Variants in DST observed in about 807,000 individuals in gnomAD.
DST encodes dystonin.
DST carries 253 observed loss-of-function variants against 875.2 expected under a neutral mutation model. That is an observed-to-expected ratio of 0.29 (90% CI 0.26 to 0.32). The LOEUF (loss-of-function observed/expected upper bound fraction) is 0.32. Among genes scored for constraint, DST ranks in the 10% least tolerant of loss-of-function variants. DST has a pLI of 1.00. For synonymous variants in DST, 3,124 were observed against 3,197.1 expected, an observed-to-expected ratio of 0.98 and a Z score of 0.77; for missense variants, 8,287 against 9,111.6, an observed-to-expected ratio of 0.91 and a Z score of 3.68.
At position 56,629,450 on chromosome 6, in the gene DST, T is replaced by C; in HGVS notation, c.4282-7A>G. The C allele has an allele frequency of 1.2e-6, 2 of 1,606,120 alleles. No homozygotes were observed. The highest frequency in any genetic ancestry group is 1.1e-5 in the South Asian group (1 of 90,894). On this transcript the variant is annotated splice_polypyrimidine_tract_variant and splice_region_variant and intron_variant, in intron 31 of 103. Coordinates refer to ENST00000680361, the MANE Select transcript of DST (RefSeq NM_001374736.1). ...CTACTTCAGATCTCCATTGCTAAAA[T>C]ACATTAATTGGTAAAAGTTATAAAA...
At chr6:56,834,098 CA>C (rs1052690053) in intron 4 of DST, among the ~76,000 whole-genome samples, 2 of 152,106 alleles carry the variant, frequency 1.3e-5, no homozygotes, top group Non-Finnish European at 2.9e-5. Flanking sequence ...CATGGTGGCA[CA>C]TGCCTGTAGT....
In DST at chr6:56,553,629, C is replaced by T. The variant is rs2152556412; in HGVS notation, c.15163G>A (p.Ala5055Thr). ...TGAAATTGATGAGAGCTTGCACAGG[C>T]CGACTGAAGGTGCTGGACATGATTC... ...AENHVQHLQS[A>T]CASSHQFQQM... Residue 5055 changes from alanine to threonine, a missense_variant, in exon 61 of 104, where the codon GCC becomes ACC. By Grantham distance (58) the Ala-to-Thr change is moderately conservative (BLOSUM62 0). Around this residue, in one of 10 missense-constraint regions of DST, gnomAD observed 1,513 missense variants for 1,677.8 expected, o/e 0.90. Transcript: ENST00000680361. 2.5e-6 allele frequency: 4 copies of T among 1,613,250 alleles called. No homozygotes were observed. Among genetic ancestry groups the T allele is most frequent in the Non-Finnish European group, 2.5e-6 (3 of 1,179,770 alleles).
At chr6:56,810,914 A>T (rs1425701450) in intron 4 of DST, among the ~76,000 whole-genome samples, 1 of 151,734 alleles carries the variant, frequency 6.6e-6, no homozygotes, top group Non-Finnish European at 1.5e-5. Flanking sequence ...GGGTATGGTG[A>T]CTCTTGCTTG....
chr6:56,500,687 C>T (rs1399339671), intron 80 of DST, among the ~76,000 whole-genome samples: 2 of 152,052 alleles, frequency 1.3e-5, no homozygotes, highest in Admixed American at 1.3e-4. Flanking sequence ...ATACATAAAA[C>T]CTGCAGTAGG....
Position 56,553,190 on chromosome 6 carries a change from C to A in DST, c.15602G>T (p.Gly5201Val), listed in dbSNP as rs763915802. The A allele has an allele frequency of 6.2e-7, 1 of 1,613,996 alleles. No homozygotes were observed. Among genetic ancestry groups the A allele is most frequent in the Non-Finnish European group, 8.5e-7 (1 of 1,179,888 alleles). ...EIKFCLDPAEGENSIAKLKSL... is the reference protein window; with the variant it reads ...EIKFCLDPAEVENSIAKLKSL... The stretch of plus-strand genomic sequence containing the variant: ...CTTTAACTTGGCAATAGAATTCTCT[C>A]CTTCAGCAGGATCCAAGCAAAATTT... The change falls in exon 61 of 104, where the codon GGA becomes GTA. Residue 5201 changes from glycine (G) to valine (V), a missense_variant. This residue lies in a region of DST where 1,513 missense variants were observed against 1,677.8 expected (regional missense o/e 0.90). Coordinates refer to ENST00000680361, the MANE Select transcript of DST (RefSeq NM_001374736.1).
intron 59 of DST, 145 bp from the exon 60 acceptor site, chr6:56,555,985 G>T: frequency 1.2e-6 from 1 of 808,548 alleles, no homozygotes; most frequent in Non-Finnish European, 1.8e-6. Flanking sequence ...TACTTAAAGG[G>T]CAGTACAATT....
intron 87 of DST, among the ~76,000 whole-genome samples, chr6:56,486,806 C>A (rs1481565578): frequency 6.6e-6 from 1 of 152,066 alleles, no homozygotes; most frequent in Non-Finnish European, 1.5e-5. Flanking sequence ...GAAATTAAGT[C>A]AAAGAAGTGA....
intron 5 of DST, among the ~76,000 whole-genome samples, chr6:56,725,074 C>T (rs745783333): frequency 1.3e-5 from 2 of 152,098 alleles, no homozygotes; most frequent in Non-Finnish European, 2.9e-5. Flanking sequence ...ATCTGTTTTA[C>T]AAATGAGAAA....
intron 36 of DST, chr6:56,616,132 G>T: frequency 6.2e-7 from 1 of 1,614,194 alleles, no homozygotes; most frequent in Non-Finnish European, 8.5e-7. Flanking sequence ...CAACAGGACT[G>T]TGCAAATCTT....
At position 56,607,530 on chromosome 6, in the gene DST, A is replaced by G; in HGVS notation, c.7098T>C (p.Leu2366=). The G allele has an allele frequency of 6.2e-7, 1 of 1,604,348 alleles. No homozygotes were observed. Among genetic ancestry groups the G allele is most frequent in the Non-Finnish European group, 8.5e-7 (1 of 1,174,468 alleles). ...CTCGGCTTTGATTTTCATAGTTTGT[A>G]AGTATGTTTTCAGAGTCACTTCTAA... ...SMLRSDSENI[L]TNYENQSRVE... is the part of the protein sequence containing the mutation. Residue 2366 remains leucine, a synonymous_variant, in exon 40 of 104, where the codon CTT becomes CTC. Transcript: ENST00000680361.
intron 2 of DST, among the ~76,000 whole-genome samples, chr6:56,949,446 C>T (rs141642265): frequency 3.2e-4 from 49 of 152,236 alleles, no homozygotes; most frequent in Admixed American, 2.7e-3. Context: ...TAGTTGGAAA[C>T]GGCACAGCAG....
chr6:56,942,706 CTTTTTTT>C (rs67354752), intron 2 of DST, among the ~76,000 whole-genome samples: 1 of 66,006 alleles, frequency 1.5e-5, no homozygotes, highest in East Asian at 3.9e-4. Flanking sequence ...TGCCATTTCT[CTTTTTTT>C]TTTTTTTTTT....
chr6:56,717,583 C>T (rs1016471034), intron 5 of DST, among the ~76,000 whole-genome samples: 2 of 152,228 alleles, frequency 1.3e-5, no homozygotes, highest in African/African-American at 4.8e-5. Flanking sequence ...TCCCCAATTA[C>T]TCCTGCAGAT....
rs561542691 is a variant in DST, at chr6:56,590,239, T to G, written c.12903+1943A>C. Reference sequence around the variant, plus strand: ...CTTCTGCAGCAATTACTAAATAGGTTTTTCCGTTTTAAAATTTATCCACAT... The same window carrying G: ...CTTCTGCAGCAATTACTAAATAGGTGTTTCCGTTTTAAAATTTATCCACAT... On this transcript the variant is annotated intron_variant, in intron 49 of 103. Coordinates refer to ENST00000680361, the MANE Select transcript of DST (RefSeq NM_001374736.1). 2.6e-5 allele frequency among the ~76,000 whole-genome samples: 4 copies of G among 152,286 alleles called. No homozygotes were observed. In the South Asian group the frequency reaches 8.3e-4, roughly 32 times the overall value.
At chr6:56,583,165 T>C (rs1346213689) in intron 49 of DST, among the ~76,000 whole-genome samples, 24 of 152,254 alleles carry the variant, frequency 1.6e-4, no homozygotes, top group African/African-American at 4.1e-4. Flanking sequence ...CCTGAGGAAT[T>C]GCCACACTGA....
At position 56,553,290 on chromosome 6, in the gene DST, C is replaced by T; in HGVS notation, c.15502G>A (p.Ala5168Thr). The T allele has an allele frequency of 6.2e-7, 1 of 1,613,544 alleles. No individual in the cohort carries two copies. The highest frequency in any genetic ancestry group is 8.5e-7 in the Non-Finnish European group (1 of 1,179,852). ...ENKLKESLEK[A>T]LKYKEQVETL... ...TCTACTTGCTCTTTATACTTAAGGG[C>T]TTTTTCCAATGACTCTTTTAACTTG... Residue 5168 changes from alanine to threonine, a missense_variant, in exon 61 of 104, where the codon GCC becomes ACC. By Grantham distance (58) the Ala-to-Thr change is moderately conservative (BLOSUM62 0). Coordinates refer to ENST00000680361, the MANE Select transcript of DST (RefSeq NM_001374736.1).
At chr6:56,831,214 C>G (rs1253158669) in intron 4 of DST, among the ~76,000 whole-genome samples, 1 of 152,204 alleles carries the variant, frequency 6.6e-6, no homozygotes, top group Non-Finnish European at 1.5e-5. Context: ...ACTTATTTCT[C>G]AGTACTAAAC....
intron 4 of DST, among the ~76,000 whole-genome samples, chr6:56,790,566 C>T (rs1467829250): frequency 1.3e-5 from 2 of 152,228 alleles, no homozygotes; most frequent in Admixed American, 6.5e-5. Flanking sequence ...AACACACCTT[C>T]TTCCTCCTTT....
At chr6:56,725,244 G>T (rs982299413) in intron 5 of DST, among the ~76,000 whole-genome samples, 1 of 152,130 alleles carries the variant, frequency 6.6e-6, no homozygotes, top group Non-Finnish European at 1.5e-5. Flanking sequence ...CAAAAAGTAG[G>T]AATATCTTAG....
Sources: allele counts gnomAD v4.1 joint callset (sites outside exome capture counted in the v4.1 genomes callset), GRCh38; gene constraint gnomAD v4.1.1; regional missense constraint gnomAD v4.1.1; transcripts MANE v1.5; gene names NCBI Gene and HGNC (gene_info 2026-07-23, HGNC 2026-07-21).